CHRM3: variants seen among roughly 807,000 people sequenced by gnomAD.
CHRM3 encodes the protein cholinergic receptor muscarinic 3, also known as muscarinic acetylcholine receptor M3.
A neutral mutation model predicts 41.8 loss-of-function variants in CHRM3; 11 were observed. The ratio of observed to expected loss-of-function variants is 0.26; its 90% CI spans 0.17 to 0.44. The LOEUF is 0.44. Ranked by LOEUF, CHRM3 falls within the 20% of genes least tolerant of loss-of-function variation. The pLI is 1.00. For missense variants in CHRM3, 571 were observed against 745.4 expected (o/e 0.77, Z 2.72); for synonymous variants, 297 against 301.4 (o/e 0.99, Z 0.15).
chr1:239,511,721 A>T (rs1006812936), intron 2 of CHRM3, among the ~76,000 whole-genome samples: 3 of 152,212 alleles, frequency 2.0e-5, no homozygotes, highest in Non-Finnish European at 4.4e-5. Context: ...AATCGTACAA[A>T]GTACAGATTA....
At chr1:239,436,180 G>T (rs1477209937) in intron 1 of CHRM3, among the ~76,000 whole-genome samples, 1 of 152,158 alleles carries the variant, frequency 6.6e-6, no homozygotes, top group South Asian at 2.1e-4. Context: ...CATTATAGAA[G>T]ACAGTAAGGT....
At chr1:239,874,032 T>A (rs538439247) in intron 6 of CHRM3, among the ~76,000 whole-genome samples, 4 of 151,798 alleles carry the variant, frequency 2.6e-5, no homozygotes, top group Non-Finnish European at 5.9e-5. Flanking sequence ...TTTGTTATCC[T>A]TATAGGAACC....
intron 6 of CHRM3, among the ~76,000 whole-genome samples, chr1:239,893,574 T>G (rs1354391928): frequency 6.6e-6 from 1 of 152,126 alleles, no homozygotes; most frequent in Non-Finnish European, 1.5e-5. Context: ...GTATGGCTAT[T>G]GTGTGGATGA....
At chr1:239,602,952 G>A (rs1420286117) in intron 3 of CHRM3, among the ~76,000 whole-genome samples, 1 of 152,120 alleles carries the variant, frequency 6.6e-6, no homozygotes, top group Non-Finnish European at 1.5e-5. Context: ...TGTGCAACCA[G>A]TCTCCAGACC....
chr1:239,432,673 C>T (rs12141057), intron 1 of CHRM3, among the ~76,000 whole-genome samples: 13 of 152,048 alleles, frequency 8.5e-5, no homozygotes, highest in African/African-American at 2.7e-4. Context: ...GATAAAGGAA[C>T]GTATGAAAAT....
At chr1:239,440,001 T>C (rs918184395) in intron 1 of CHRM3, among the ~76,000 whole-genome samples, 16 of 151,196 alleles carry the variant, frequency 1.1e-4, no homozygotes, top group Non-Finnish European at 2.2e-4. Flanking sequence ...AGTTCGAGAC[T>C]AGCCTGACCA....
intron 1 of CHRM3, among the ~76,000 whole-genome samples, chr1:239,422,823 C>T (rs1239455890): frequency 6.6e-6 from 1 of 151,058 alleles, no homozygotes. Context: ...AAACAAAAAA[C>T]AGTTTTTATA....
intron 5 of CHRM3, among the ~76,000 whole-genome samples, chr1:239,788,987 T>G (rs1222143211): frequency 6.6e-6 from 1 of 152,242 alleles, no homozygotes; most frequent in Non-Finnish European, 1.5e-5. Flanking sequence ...CAGCATTATC[T>G]TATATTTCGC....
intron 6 of CHRM3, among the ~76,000 whole-genome samples, chr1:239,895,730 C>T (rs1009005446): frequency 1.3e-5 from 2 of 152,150 alleles, no homozygotes; most frequent in Admixed American, 6.5e-5. Flanking sequence ...GAAAACCAAA[C>T]ACGGCGTGTT....
At chr1:239,720,719 C>T (rs61834838) in intron 5 of CHRM3, among the ~76,000 whole-genome samples, 2,907 of 151,896 alleles carry the variant, frequency 0.019, 55 homozygotes, top group Admixed American at 0.05. Flanking sequence ...CATGATTTAA[C>T]GAGAAGACAA....
At chr1:239,402,902 G>GTACTGAGCA (rs1325655093) in intron 1 of CHRM3, among the ~76,000 whole-genome samples, 2 of 152,116 alleles carry the variant, frequency 1.3e-5, no homozygotes, top group Non-Finnish European at 2.9e-5. Flanking sequence ...ATTCAACATA[G>GTACTGAGCA]TACTGAGCAT....
At chr1:239,880,030 G>C (rs972716213) in intron 6 of CHRM3, among the ~76,000 whole-genome samples, 1 of 152,158 alleles carries the variant, frequency 6.6e-6, no homozygotes, top group African/African-American at 2.4e-5. Context: ...CAAAGAAAGG[G>C]TTTATTCACG....
chr1:239,683,365 G>T (rs1031447307), intron 5 of CHRM3, among the ~76,000 whole-genome samples: 4 of 152,116 alleles, frequency 2.6e-5, no homozygotes, highest in African/African-American at 9.7e-5. Context: ...CAGATTAGAA[G>T]ACTATATCTG....
intron 6 of CHRM3, among the ~76,000 whole-genome samples, chr1:239,888,815 G>A (rs929241834): frequency 6.6e-6 from 1 of 152,056 alleles, no homozygotes; most frequent in Non-Finnish European, 1.5e-5. Flanking sequence ...GGATCTTAAC[G>A]CTACTTCTTC....
chr1:239,514,413 A>G (rs1362253476), intron 2 of CHRM3, among the ~76,000 whole-genome samples: 1 of 151,680 alleles, frequency 6.6e-6, no homozygotes, highest in Non-Finnish European at 1.5e-5. Flanking sequence ...TGTGTTTTAA[A>G]TTTTAATTTT....
At chr1:239,701,448 G>A (rs984130485) in intron 5 of CHRM3, among the ~76,000 whole-genome samples, 3 of 152,116 alleles carry the variant, frequency 2.0e-5, no homozygotes, top group African/African-American at 7.2e-5. Context: ...CATTCACCAA[G>A]AATTGTCACC....
At chr1:239,688,000 C>T (rs188926457) in intron 5 of CHRM3, among the ~76,000 whole-genome samples, 13 of 151,898 alleles carry the variant, frequency 8.6e-5, no homozygotes, top group African/African-American at 7.3e-5. Flanking sequence ...CCATCAAATA[C>T]GACTGCTCTT....
intron 3 of CHRM3, among the ~76,000 whole-genome samples, chr1:239,596,837 A>G (rs1331756364): frequency 6.6e-6 from 1 of 152,138 alleles, no homozygotes; most frequent in Non-Finnish European, 1.5e-5. Context: ...GTATCTGCAC[A>G]TATATATAAT....
chr1:239,770,088 A>G (rs947405929), intron 5 of CHRM3, among the ~76,000 whole-genome samples: 1 of 152,186 alleles, frequency 6.6e-6, no homozygotes, highest in Non-Finnish European at 1.5e-5. Context: ...CAAAAGCTCT[A>G]TATCAAAATA....
Sources: gnomAD v4.1 joint callset for allele counts (sites outside exome capture counted in the v4.1 genomes callset) on GRCh38, gnomAD v4.1.1 for gene constraint, MANE v1.5 for transcripts, NCBI Gene and HGNC (gene_info 2026-07-23, HGNC 2026-07-21) for gene names.